Variants in EPRS1 observed in about 807,000 individuals in gnomAD.
The protein encoded by EPRS1 is glutamyl-prolyl-tRNA synthetase 1, also known as bifunctional glutamate/proline--tRNA ligase.
Under a neutral mutation model 188.3 loss-of-function variants are expected in EPRS1, and 107 were observed. That is an observed-to-expected ratio of 0.57 (90% CI 0.49 to 0.67). The LOEUF is 0.67. Ranked by LOEUF, EPRS1 falls within the 30% of genes least tolerant of loss-of-function variation. The probability of loss-of-function intolerance (pLI) is 0.00; values close to 1 mark genes in which losing one functional copy is unlikely to be tolerated. For synonymous variants in EPRS1, 596 were observed against 593.1 expected (o/e 1.00, Z -0.07); for missense variants, 1,577 against 1,802.2 (o/e 0.88, Z 2.26).
At chr1:220,020,810 G>A (rs1042508798) in intron 9 of EPRS1, among the ~76,000 whole-genome samples, 1 of 126,452 alleles carries the variant, frequency 7.9e-6, no homozygotes, top group Non-Finnish European at 1.6e-5. Context: ...TTTACATGCA[G>A]TATCAATTTG....
At chr1:220,011,896 A>C (rs1410183913) in intron 12 of EPRS1, among the ~76,000 whole-genome samples, 1 of 152,246 alleles carries the variant, frequency 6.6e-6, no homozygotes, top group Non-Finnish European at 1.5e-5. Flanking sequence ...ATGAAAGCAG[A>C]GTCAAACAGC....
chr1:220,016,345 A>C (rs1661710676), intron 12 of EPRS1, among the ~76,000 whole-genome samples: 1 of 151,526 alleles, frequency 6.6e-6, no homozygotes, highest in African/African-American at 2.4e-5. Flanking sequence ...TTCCGCTACA[A>C]AAAGAAAAAG....
At chr1:220,036,495 T>C (rs989662166) in intron 2 of EPRS1, among the ~76,000 whole-genome samples, 1 of 149,682 alleles carries the variant, frequency 6.7e-6, no homozygotes, top group African/African-American at 2.5e-5. Flanking sequence ...CAGAATACTA[T>C]GCAGCCATAA....
At chr1:219,989,940 G>A (rs919371161) in intron 18 of EPRS1, among the ~76,000 whole-genome samples, 3 of 151,980 alleles carry the variant, frequency 2.0e-5, no homozygotes, top group African/African-American at 7.3e-5. Context: ...TCAGACATAT[G>A]AGAATCAAGG....
chr1:220,020,045 G>A lies in EPRS1; in HGVS notation c.1292C>T (p.Thr431Ile). Reference sequence around the variant, plus strand: ...TGTGAGTTTTCTTTTGGATAGCACTGTGTTGTTGAGATTTAGCCGACTATA... The same window carrying A: ...TGTGAGTTTTCTTTTGGATAGCACTATGTTGTTGAGATTTAGCCGACTATA... ...WEYSRLNLNNTVLSKRKLTWF... is the reference protein window; with the variant it reads ...WEYSRLNLNNIVLSKRKLTWF... Residue 431 changes from threonine to isoleucine, a missense_variant, in exon 10 of 32, where the codon ACA (threonine) becomes ATA (isoleucine). Physicochemically the swap from Thr to Ile is moderately conservative, Grantham distance 89. This residue lies in a region of EPRS1 where 1,278 missense variants were observed against 1,457.4 expected (regional missense o/e 0.88). Coordinates refer to ENST00000366923, the MANE Select transcript of EPRS1 (RefSeq NM_004446.3). The A allele has an allele frequency of 6.2e-7, 1 of 1,614,016 alleles. No individual in the cohort carries two copies. The highest frequency in any genetic ancestry group is 8.5e-7 in the Non-Finnish European group (1 of 1,179,960).
intron 6 of EPRS1, among the ~76,000 whole-genome samples, chr1:220,028,560 C>T (rs189259562): frequency 6.6e-6 from 1 of 152,220 alleles, no homozygotes; most frequent in East Asian, 1.9e-4. Context: ...ACATGTAGTA[C>T]AATTTTTAAT....
intron 18 of EPRS1, among the ~76,000 whole-genome samples, chr1:219,995,586 T>C (rs1661214773): frequency 6.6e-6 from 1 of 152,180 alleles, no homozygotes; most frequent in African/African-American, 2.4e-5. Flanking sequence ...TTTTAGATAA[T>C]CATGGTTCTG....
intron 30 of EPRS1, 144 bp from the exon 31 acceptor site, chr1:219,969,266 C>A: frequency 1.6e-6 from 1 of 637,534 alleles, no homozygotes; most frequent in Non-Finnish European, 2.8e-6. Context: ...CCTTTGCAAA[C>A]CTACTAGGAA....
In EPRS1 at chr1:220,000,033, C is replaced by T. The variant is rs75496719; in HGVS notation, c.2181+1105G>A. Among the ~76,000 whole-genome samples, 813 of 152,214 alleles carry T rather than the reference C, an allele frequency of 5.3e-3. 7 individuals are homozygous for T. The highest frequency in any genetic ancestry group is 0.019 in the African/African-American group (789 of 41,538). Reference sequence around the variant, plus strand: ...AGTTGAGTCTTTGATGACTGCTACCCAGCCACCATCTGACTGAAACCACAT... The same window carrying T: ...AGTTGAGTCTTTGATGACTGCTACCTAGCCACCATCTGACTGAAACCACAT... On this transcript the variant is annotated intron_variant, in intron 17 of 31. Coordinates refer to ENST00000366923, the MANE Select transcript of EPRS1 (RefSeq NM_004446.3).
chr1:219,988,641 T>C lies in EPRS1; in HGVS notation c.2724A>G (p.Val908=), dbSNP rs1396789036. ...TCCGAACTACTTCCCCTTGAGAAGCTACTTTGTCAAAAAGTACTTTCGCTT... is the reference window on the plus strand; with the variant it reads ...TCCGAACTACTTCCCCTTGAGAAGCCACTTTGTCAAAAAGTACTTTCGCTT... ...TPEAKVLFDK[V]ASQGEVVRKL... Residue 908 remains valine, a synonymous_variant, in exon 19 of 32, where the codon GTA becomes GTG. Coordinates refer to ENST00000366923, the MANE Select transcript of EPRS1 (RefSeq NM_004446.3). 6.2e-7 allele frequency: 1 copy of C among 1,613,884 alleles called. No individual in the cohort carries two copies. Among genetic ancestry groups the C allele is most frequent in the South Asian group, 1.1e-5 (1 of 91,078 alleles).
Position 219,968,665 on chromosome 1 carries a change from CA to C in EPRS1, c.*140del. On this transcript the variant is annotated 3_prime_UTR_variant, in exon 32 of 32. Transcript: ENST00000366923. ...GTCTTTTATCCACTGTTAACTTAGGCATAAGAATAATTGTCCTGTGTGACTT... is the reference window on the plus strand; with the variant it reads ...GTCTTTTATCCACTGTTAACTTAGGCTAAGAATAATTGTCCTGTGTGACTT... 5.6e-6 allele frequency: 4 copies of C among 720,684 alleles called. No homozygotes were observed. In the South Asian group the frequency reaches 8.5e-5, roughly 15 times the overall value. The allele number at this position is 720,684 out of a possible 1,614,324, so 44.6% of individuals were successfully genotyped here.
At chr1:220,030,281 GTTC>G in intron 6 of EPRS1, 102 bp downstream of exon 6, 6 of 679,600 alleles carry the variant, frequency 8.8e-6, no homozygotes, top group Non-Finnish European at 1.5e-5. Context: ...AAAATCTTAT[GTTC>G]TTCTATATTA....
At chr1:220,010,296 T>G (rs1317557154) in intron 13 of EPRS1, among the ~76,000 whole-genome samples, 1 of 152,008 alleles carries the variant, frequency 6.6e-6, no homozygotes, top group African/African-American at 2.4e-5. Flanking sequence ...CATATAAAGA[T>G]AGGAGCTTGA....
At chr1:220,010,856 A>G in intron 13 of EPRS1, 90 bp downstream of exon 13, 1 of 731,744 alleles carries the variant, frequency 1.4e-6, no homozygotes, top group South Asian at 1.6e-5. Flanking sequence ...TCTCAAAATC[A>G]TGCCACTGCC....
intron 28 of EPRS1, among the ~76,000 whole-genome samples, chr1:219,977,722 AG>A (rs763866210): frequency 8.5e-5 from 13 of 152,336 alleles, no homozygotes; most frequent in Non-Finnish European, 1.6e-4. Flanking sequence ...ACCATTCCTC[AG>A]CACAGGAAAT....
intron 6 of EPRS1, among the ~76,000 whole-genome samples, chr1:220,027,258 A>T (rs938049068): frequency 6.6e-6 from 1 of 152,068 alleles, no homozygotes; most frequent in African/African-American, 2.4e-5. Context: ...CCCCGTCTCT[A>T]CTAAAAAAAA....
At chr1:220,007,459 T>G (rs187973244) in intron 13 of EPRS1, 121 bp from the exon 14 acceptor site, 2 of 855,130 alleles carry the variant, frequency 2.3e-6, no homozygotes, top group East Asian at 2.6e-5. Flanking sequence ...ACTAAACTGT[T>G]AGCAGTTCAT....
At chr1:219,984,533 C>G (rs1259712927) in intron 20 of EPRS1, among the ~76,000 whole-genome samples, 1 of 152,192 alleles carries the variant, frequency 6.6e-6, no homozygotes, top group African/African-American at 2.4e-5. Context: ...ATTCTCTCAC[C>G]TCAGCCTCCC....
chr1:219,970,651 G>A (rs952562053), intron 30 of EPRS1, among the ~76,000 whole-genome samples: 4 of 152,026 alleles, frequency 2.6e-5, no homozygotes, highest in East Asian at 1.9e-4. Context: ...CATGGCAGGC[G>A]CCTGTAATCC....
Sources: gnomAD v4.1 joint callset for allele counts (sites outside exome capture counted in the v4.1 genomes callset) on GRCh38, gnomAD v4.1.1 for gene constraint, gnomAD v4.1.1 regional missense constraint, MANE v1.5 for transcripts, NCBI Gene and HGNC (gene_info 2026-07-23, HGNC 2026-07-21) for gene names.